Variants in TNNI3K observed in about 807,000 individuals in gnomAD.
TNNI3K encodes the protein serine/threonine-protein kinase TNNI3K.
A neutral mutation model predicts 114.5 loss-of-function variants in TNNI3K; 140 were observed. The ratio of observed to expected loss-of-function variants is 1.22; its 90% CI spans 1.07 to 1.41. The LOEUF is 1.41. Ranked by LOEUF, TNNI3K falls within the 40% of genes most tolerant of loss-of-function variation. TNNI3K has a pLI of 0.00. For missense variants in TNNI3K, 1,125 were observed against 1,007.6 expected (o/e 1.12, Z -1.58); for synonymous variants, 347 against 347.5 (o/e 1.00, Z 0.02).
At chr1:74,364,331 G>A (rs1001115178) in intron 11 of TNNI3K, among the ~76,000 whole-genome samples, 1 of 151,744 alleles carries the variant, frequency 6.6e-6, no homozygotes, top group Admixed American at 6.6e-5. Context: ...TTGGTCTTTA[G>A]TACTACTTTT....
chr1:74,445,667 G>A lies in TNNI3K; in HGVS notation c.2011+6045G>A, dbSNP rs36157877. On this transcript the variant is annotated intron_variant, in intron 20 of 24. Coordinates refer to ENST00000326637, the MANE Select transcript of TNNI3K (RefSeq NM_015978.3). Reference sequence around the variant, plus strand: ...GCTCTGTCGCCCAGGCTGGAGTGCAGTGGCGGGATCTCGGCTCACTGCAAG... The same window carrying A: ...GCTCTGTCGCCCAGGCTGGAGTGCAATGGCGGGATCTCGGCTCACTGCAAG... 6.0e-3 allele frequency among the ~76,000 whole-genome samples: 861 copies of A among 143,934 alleles called. 9 individuals carry two copies. Among genetic ancestry groups the A allele is most frequent in the African/African-American group, 0.021 (801 of 37,726 alleles). 94.4% of individuals were successfully genotyped at this position (143,934 alleles called of 152,430 possible). A position where few individuals can be genotyped will look rare whatever the true frequency, so the allele number is the denominator to read the frequency against.
At chr1:74,246,983 A>G (rs1238492232) in intron 2 of TNNI3K, among the ~76,000 whole-genome samples, 1 of 152,124 alleles carries the variant, frequency 6.6e-6, no homozygotes. Context: ...AACCTATTTA[A>G]GCTTCAATTT....
intron 23 of TNNI3K, among the ~76,000 whole-genome samples, chr1:74,539,213 G>A (rs1362687647): frequency 1.3e-5 from 2 of 152,156 alleles, no homozygotes; most frequent in Admixed American, 6.6e-5. Flanking sequence ...AGTGAGAAAT[G>A]TGAGGGAAAG....
At chr1:74,306,141 G>A (rs1658620876) in intron 5 of TNNI3K, among the ~76,000 whole-genome samples, 1 of 152,056 alleles carries the variant, frequency 6.6e-6, no homozygotes, top group Non-Finnish European at 1.5e-5. Flanking sequence ...AATTCTAAGT[G>A]TTAATTCACT....
At chr1:74,461,897 C>T (rs891676530) in intron 20 of TNNI3K, among the ~76,000 whole-genome samples, 3 of 151,966 alleles carry the variant, frequency 2.0e-5, no homozygotes, top group Non-Finnish European at 2.9e-5. Flanking sequence ...ACCTAAAATT[C>T]GGAAATGATT....
chr1:74,421,732 A>G (rs1331744760), intron 17 of TNNI3K, among the ~76,000 whole-genome samples: 2 of 152,080 alleles, frequency 1.3e-5, no homozygotes, highest in Middle Eastern at 3.4e-3. Flanking sequence ...AGGGGTAAAG[A>G]CATAAGCCAT....
At chr1:74,501,474 GTGTTTGTTTGTT>G (rs71588835) in intron 23 of TNNI3K, among the ~76,000 whole-genome samples, 15,735 of 149,864 alleles carry the variant, frequency 0.1, 2,195 homozygotes, top group African/African-American at 0.32. Context: ...TTTTTGTTTT[GTGTTTGTTTGTT>G]TGTTTGTTTG....
intron 21 of TNNI3K, chr1:74,483,455 G>A (rs1378040997): frequency 1.6e-6 from 1 of 626,678 alleles, no homozygotes; most frequent in African/African-American, 1.8e-5. Flanking sequence ...AGGTCATGAG[G>A]CATTTTGGTA....
intron 17 of TNNI3K, among the ~76,000 whole-genome samples, chr1:74,412,107 T>C (rs912756025): frequency 7.2e-5 from 11 of 152,160 alleles, no homozygotes; most frequent in African/African-American, 2.4e-4. Flanking sequence ...GCCCTGCTTA[T>C]TGAGTAAGGA....
At chr1:74,490,987 A>C (rs923710156) in intron 22 of TNNI3K, among the ~76,000 whole-genome samples, 3 of 152,172 alleles carry the variant, frequency 2.0e-5, no homozygotes, top group Non-Finnish European at 4.4e-5. Flanking sequence ...ATATAAAGTG[A>C]CTGTCTTGCT....
intron 23 of TNNI3K, among the ~76,000 whole-genome samples, chr1:74,511,257 A>G (rs930417646): frequency 6.7e-6 from 1 of 150,248 alleles, no homozygotes; most frequent in Non-Finnish European, 1.5e-5. Flanking sequence ...CAATGGTGCG[A>G]TCTCGGCTCA....
intron 5 of TNNI3K, among the ~76,000 whole-genome samples, chr1:74,311,021 A>G (rs1235950381): frequency 3.9e-5 from 6 of 152,160 alleles, no homozygotes. Flanking sequence ...GTTGGTCCCC[A>G]GTTAAACATT....
At position 74,354,079 on chromosome 1, in the gene TNNI3K, C is replaced by A. The variant is rs200842749; in HGVS notation, c.1127C>A (p.Ser376Tyr). The change falls in exon 11 of 25, where the codon TCT becomes TAT. Residue 376 changes from serine (S) to tyrosine (Y), a missense_variant. By Grantham distance (144) the Ser-to-Tyr change is moderately radical. Transcript: ENST00000326637. ...MNLVACDPSR[S>Y]SGEKDEQTCL... The stretch of plus-strand genomic sequence containing the variant: ...CTAGTGGCTTGTGATCCCAGCAGGT[C>A]TAGTGGTGAAAAAGATGAGCAGACA... 1 of 1,613,878 alleles carries A rather than the reference C, an allele frequency of 6.2e-7. No individual in the cohort carries two copies. Among genetic ancestry groups the A allele is most frequent in the Non-Finnish European group, 8.5e-7 (1 of 1,179,978 alleles).
chr1:74,294,858 C>T (rs775658526), intron 5 of TNNI3K, among the ~76,000 whole-genome samples: 1 of 151,746 alleles, frequency 6.6e-6, no homozygotes, highest in Non-Finnish European at 1.5e-5. Flanking sequence ...GTTATCTTCT[C>T]TATTTTTTTT....
Position 74,353,418 on chromosome 1 carries a change from T to C in TNNI3K, c.1027+58T>C, listed in dbSNP as rs1468889101. On this transcript the variant is annotated intron_variant, in intron 10 of 24. Coordinates refer to ENST00000326637, the MANE Select transcript of TNNI3K (RefSeq NM_015978.3). ...TATGCTTATCAATGATTAAGAATAATGGTATGCAAAGGGATGTGGGGGCAT... is the reference window on the plus strand; with the variant it reads ...TATGCTTATCAATGATTAAGAATAACGGTATGCAAAGGGATGTGGGGGCAT... 3 of 1,592,852 alleles carry C rather than the reference T, an allele frequency of 1.9e-6. No homozygotes were observed. In the Admixed American group the frequency reaches 5.1e-5, roughly 27 times the overall value.
At chr1:74,444,458 A>G (rs756694311) in intron 20 of TNNI3K, among the ~76,000 whole-genome samples, 3 of 152,152 alleles carry the variant, frequency 2.0e-5, no homozygotes, top group Non-Finnish European at 4.4e-5. Context: ...AAAAAAACCT[A>G]GGAATACAAC....
chr1:74,251,822 A>G (rs1397400229), intron 4 of TNNI3K, among the ~76,000 whole-genome samples: 1 of 152,204 alleles, frequency 6.6e-6, no homozygotes, highest in African/African-American at 2.4e-5. Flanking sequence ...TTCATAGCGC[A>G]AATACTCTAA....
intron 5 of TNNI3K, among the ~76,000 whole-genome samples, chr1:74,286,962 A>G (rs553313424): frequency 1.3e-5 from 2 of 152,240 alleles, no homozygotes; most frequent in East Asian, 3.9e-4. Flanking sequence ...AATGTGCTCC[A>G]AGAGAACACA....
intron 5 of TNNI3K, among the ~76,000 whole-genome samples, chr1:74,325,625 G>C (rs1029012950): frequency 2.6e-5 from 4 of 152,182 alleles, no homozygotes; most frequent in African/African-American, 9.6e-5. Context: ...TCATTTTCCA[G>C]AGAAATATCC....
Sources: allele counts gnomAD v4.1 joint callset (sites outside exome capture counted in the v4.1 genomes callset), GRCh38; gene constraint gnomAD v4.1.1; transcripts MANE v1.5; gene names NCBI Gene and HGNC (gene_info 2026-07-23, HGNC 2026-07-21).